Variants in MCPH1 observed in about 807,000 individuals in gnomAD.
MCPH1 encodes microcephalin 1.
Under a neutral mutation model 84.5 loss-of-function variants are expected in MCPH1, and 104 were observed. The observed-to-expected ratio is 1.23, with a 90% CI of 1.05 to 1.45. The LOEUF (loss-of-function observed/expected upper bound fraction) is 1.45, where lower values mean the gene tolerates loss of function less well. Among genes scored for constraint, MCPH1 ranks in the 40% most tolerant of loss-of-function variants. The pLI is 0.00. For missense variants in MCPH1, 1,498 were observed against 1,005.7 expected, an observed-to-expected ratio of 1.49 and a Z score of -6.62; for synonymous variants, 514 against 366.8, an observed-to-expected ratio of 1.40 and a Z score of -4.58.
chr8:6,495,451 C>A (rs1811122516), intron 11 of MCPH1, among the ~76,000 whole-genome samples: 2 of 152,162 alleles, frequency 1.3e-5, no homozygotes. Flanking sequence ...CTTCTTCTTT[C>A]TTTAGAAAAA....
At chr8:6,587,079 A>G (rs75045072) in intron 12 of MCPH1, among the ~76,000 whole-genome samples, 355 of 151,754 alleles carry the variant, frequency 2.3e-3, no homozygotes, top group Non-Finnish European at 3.3e-3. Context: ...GGAAATTGCC[A>G]TTTATTTTTG....
chr8:6,477,221 T>C (rs1808586229), intron 9 of MCPH1: 2 of 226,500 alleles, frequency 8.8e-6, no homozygotes, highest in South Asian at 1.4e-4. Flanking sequence ...CCTAGAAGTC[T>C]TGAGAAAAGT....
At chr8:6,452,786 G>A (rs562607315) in intron 8 of MCPH1, among the ~76,000 whole-genome samples, 4 of 152,328 alleles carry the variant, frequency 2.6e-5, no homozygotes, top group South Asian at 2.1e-4. Flanking sequence ...TGGGGGCACC[G>A]TGATCTCGGC....
intron 12 of MCPH1, among the ~76,000 whole-genome samples, chr8:6,561,602 T>C (rs780792190): frequency 1.3e-5 from 2 of 152,252 alleles, no homozygotes. Flanking sequence ...AGACTTTACA[T>C]AGCTTTAGAT....
intron 11 of MCPH1, among the ~76,000 whole-genome samples, chr8:6,489,842 GA>G (rs897024630): frequency 1.3e-5 from 2 of 151,940 alleles, no homozygotes; most frequent in African/African-American, 2.4e-5. Flanking sequence ...AGTTATCAGG[GA>G]AAAAAAATTT....
rs1563305883 is a variant in MCPH1, at chr8:6,505,303, GT to G, written c.2214+5375del. Among the ~76,000 whole-genome samples the G allele has an allele frequency of 2.4e-4, 6 of 25,330 alleles. 2 individuals carry two copies. Among genetic ancestry groups the G allele is most frequent in the African/African-American group, 1.2e-3 (6 of 4,838 alleles). The allele number at this position is 25,330 out of a possible 152,430, so 16.6% of individuals were successfully genotyped here. On this transcript the variant is annotated intron_variant, in intron 12 of 13. Transcript: ENST00000344683. ...ATATATATGTTATATACATATATAT[GT>G]ATATAACATATATATGTTATATACA...
intron 11 of MCPH1, among the ~76,000 whole-genome samples, chr8:6,488,514 G>T (rs532032962): frequency 2.0e-5 from 3 of 152,280 alleles, no homozygotes; most frequent in Admixed American, 6.5e-5. Flanking sequence ...AATAAAGTTT[G>T]ATCACCATTT....
At chr8:6,480,203 A>C (rs1220947777) in intron 10 of MCPH1, among the ~76,000 whole-genome samples, 1 of 149,584 alleles carries the variant, frequency 6.7e-6, no homozygotes, top group African/African-American at 2.5e-5. Flanking sequence ...GGCTCACTGC[A>C]ACCTCCACCT....
At chr8:6,599,603 A>T (rs562444633) in intron 12 of MCPH1, among the ~76,000 whole-genome samples, 4 of 152,370 alleles carry the variant, frequency 2.6e-5, no homozygotes, top group African/African-American at 9.6e-5. Flanking sequence ...ATTTTATTGA[A>T]ACAGGAAGTT....
intron 4 of MCPH1, 141 bp downstream of exon 4, chr8:6,431,727 A>G: frequency 1.6e-6 from 1 of 614,264 alleles, no homozygotes. Context: ...CTTTTCACAT[A>G]GCATTTTTAA....
At chr8:6,439,158 C>G in intron 6 of MCPH1, 62 bp downstream of exon 6, 1 of 1,492,618 alleles carries the variant, frequency 6.7e-7, no homozygotes, top group Non-Finnish European at 9.2e-7. Context: ...TGGTGGAAAG[C>G]TTCTTTTTTC....
chr8:6,607,227 C>G (rs914432156), intron 12 of MCPH1, among the ~76,000 whole-genome samples: 1 of 152,152 alleles, frequency 6.6e-6, no homozygotes, highest in African/African-American at 2.4e-5. Context: ...ACATCCTTGT[C>G]TCTGAAGACA....
chr8:6,626,480 T>G (rs1199990645), intron 13 of MCPH1: 2 of 982,020 alleles, frequency 2.0e-6, no homozygotes, highest in African/African-American at 1.8e-5. Context: ...TTTTGTTTTT[T>G]TTTTTTTTTT....
intron 7 of MCPH1, among the ~76,000 whole-genome samples, chr8:6,443,376 A>C (rs557289343): frequency 6.8e-6 from 1 of 148,060 alleles, no homozygotes; most frequent in African/African-American, 2.7e-5. Flanking sequence ...CCTTATTTCC[A>C]ACTACTGCCT....
chr8:6,504,518 C>T lies in MCPH1; in HGVS notation c.2214+4589C>T, dbSNP rs577641674. ...TATTAGATCGATTGTCACAGTATCG[C>T]AGTGCTTATGTTCAAGTAACGCTTA... On this transcript the variant is annotated intron_variant, in intron 12 of 13. Transcript: ENST00000344683. Among the ~76,000 whole-genome samples, 7 of 152,112 alleles carry T rather than the reference C, an allele frequency of 4.6e-5. No homozygotes were observed. In the South Asian group the frequency reaches 1.5e-3, roughly 32 times the overall value.
chr8:6,523,778 G>C (rs1463541068), intron 12 of MCPH1, among the ~76,000 whole-genome samples: 1 of 151,938 alleles, frequency 6.6e-6, no homozygotes, highest in Non-Finnish European at 1.5e-5. Flanking sequence ...TAGTAGAGAC[G>C]TGGTTTCATT....
intron 13 of MCPH1, among the ~76,000 whole-genome samples, chr8:6,640,639 T>A (rs573489802): frequency 6.6e-6 from 1 of 152,368 alleles, no homozygotes; most frequent in East Asian, 1.9e-4. Flanking sequence ...GCTGTGCTTA[T>A]GGTGTCTTAA....
intron 12 of MCPH1, among the ~76,000 whole-genome samples, chr8:6,530,140 TTAGTATCA>T (rs1365809827): frequency 5.9e-5 from 9 of 152,148 alleles, no homozygotes; most frequent in Non-Finnish European, 8.8e-5. Context: ...CCCATCAGTG[TTAGTATCA>T]AAAGGTGGGG....
chr8:6,457,668 C>T lies in MCPH1; in HGVS notation c.1935+2416C>T, dbSNP rs117042144. 1.2e-3 allele frequency among the ~76,000 whole-genome samples: 188 copies of T among 152,220 alleles called. 3 individuals carry two copies. In the East Asian group the frequency reaches 0.03, roughly 24 times the overall value. ...TGAGACCCTCCTGGCCAGCAGCTCC[C>T]GACCCCAGTGCGGCACCCCGTCCTT... is the stretch of plus-strand genomic sequence containing the variant. On this transcript the variant is annotated intron_variant, in intron 9 of 13. Coordinates refer to ENST00000344683, the MANE Select transcript of MCPH1 (RefSeq NM_024596.5).
Sources: gnomAD v4.1 joint callset for allele counts (sites outside exome capture counted in the v4.1 genomes callset) on GRCh38, gnomAD v4.1.1 for gene constraint, MANE v1.5 for transcripts, NCBI Gene and HGNC (gene_info 2026-07-23, HGNC 2026-07-21) for gene names.